CDC42BPB: variants seen among roughly 807,000 people sequenced by gnomAD.
CDC42BPB encodes the protein CDC42 binding protein kinase beta, also known as serine/threonine-protein kinase MRCK beta.
CDC42BPB carries 37 observed loss-of-function variants against 214.9 expected under a neutral mutation model. That is an observed-to-expected ratio of 0.17 (90% confidence interval 0.13 to 0.23). CDC42BPB has a LOEUF of 0.23. Ranked by LOEUF, CDC42BPB falls within the 10% of genes least tolerant of loss-of-function variation. The pLI is 1.00. For missense variants in CDC42BPB, 1,694 were observed against 2,227.0 expected (o/e 0.76, Z 4.82); for synonymous variants, 931 against 884.0 (o/e 1.05, Z -0.94).
intron 1 of CDC42BPB, among the ~76,000 whole-genome samples, chr14:103,042,777 AAAC>A (rs755166762): frequency 8.5e-5 from 13 of 152,202 alleles, no homozygotes; most frequent in Non-Finnish European, 1.6e-4. Context: ...CTAGGACAGA[AAAC>A]AACAAGTGCT....
chr14:102,964,696 C>T (rs913771361), intron 18 of CDC42BPB, 46 bp from the exon 19 acceptor site: 4 of 1,549,598 alleles, frequency 2.6e-6, no homozygotes, highest in Non-Finnish European at 3.5e-6. Context: ...CAGTTATCCG[C>T]TTGTTAAACT....
intron 27 of CDC42BPB, 124 bp downstream of exon 27, chr14:102,947,597 C>A: frequency 1.2e-6 from 1 of 829,274 alleles, no homozygotes; most frequent in South Asian, 1.5e-5. Flanking sequence ...TGGAGCCAGG[C>A]TGGAGGTTGA....
At chr14:102,974,683 C>T (rs977390492) in intron 11 of CDC42BPB, among the ~76,000 whole-genome samples, 6 of 152,212 alleles carry the variant, frequency 3.9e-5, no homozygotes, top group African/African-American at 1.4e-4. Context: ...CCAGGCCAGG[C>T]GCAGCGGCTC....
Position 103,048,532 on chromosome 14 carries a change from C to CAAAAAAAAA in CDC42BPB, c.175+8458_175+8466dup, listed in dbSNP as rs71119751. ...TGAAACCCTGTTTCTACTAAAAATA[C>CAAAAAAAAA]AAAAAAAAAAAAAAAAAAAAAAAAA... On this transcript the variant is annotated intron_variant, in intron 1 of 36. Transcript: ENST00000361246. Among the ~76,000 whole-genome samples, 356 of 42,568 alleles carry CAAAAAAAAA rather than the reference C, an allele frequency of 8.4e-3. 5 individuals are homozygous for CAAAAAAAAA. The highest frequency in any genetic ancestry group is 0.062 in the Middle Eastern group (3 of 48). The allele number at this position is 42,568 out of a possible 152,430, so 27.9% of individuals were successfully genotyped here.
At chr14:102,996,318 T>C (rs1250665744) in intron 5 of CDC42BPB, among the ~76,000 whole-genome samples, 3 of 151,866 alleles carry the variant, frequency 2.0e-5, no homozygotes, top group African/African-American at 7.3e-5. Flanking sequence ...CCAGCCTGGG[T>C]GACAGAGCAA....
rs1035693021 is a variant in CDC42BPB at position 102,945,123 on chromosome 14, G to A, written c.3811+539C>T. 9 of 396,748 alleles carry A rather than the reference G, an allele frequency of 2.3e-5. No homozygotes were observed. In the East Asian group the frequency reaches 3.8e-4, roughly 17 times the overall value. The allele number at this position is 396,748 out of a possible 1,614,324, so 24.6% of individuals were successfully genotyped here. ...GGCTGCCCCGCCCTTCTCGCTCCAC[G>A]GCCATCACATGCAGAGATGCTGGGT... is the stretch of plus-strand genomic sequence containing the variant. On this transcript the variant is annotated intron_variant, in intron 29 of 36. Coordinates refer to ENST00000361246, the MANE Select transcript of CDC42BPB (RefSeq NM_006035.4).
At chr14:103,002,062 C>T (rs1212963545) in intron 4 of CDC42BPB, among the ~76,000 whole-genome samples, 1 of 152,200 alleles carries the variant, frequency 6.6e-6, no homozygotes, top group Non-Finnish European at 1.5e-5. Context: ...TGATAAAACT[C>T]TGTGAGATAG....
intron 1 of CDC42BPB, among the ~76,000 whole-genome samples, chr14:103,017,181 G>C (rs1384714609): frequency 6.6e-6 from 1 of 152,066 alleles, no homozygotes; most frequent in Non-Finnish European, 1.5e-5. Flanking sequence ...CATGAACCAG[G>C]GTGTAGCGGC....
At chr14:102,984,055 C>T in intron 6 of CDC42BPB, 1 of 170,990 alleles carries the variant, frequency 5.8e-6, no homozygotes, top group Non-Finnish European at 1.2e-5. Flanking sequence ...TTAAAAACCT[C>T]AATAATGCAA....
intron 4 of CDC42BPB, among the ~76,000 whole-genome samples, chr14:103,000,624 A>G (rs1344286775): frequency 6.6e-6 from 1 of 152,232 alleles, no homozygotes. Flanking sequence ...TCCTGTGAAG[A>G]GATGGATGCT....
intron 34 of CDC42BPB, among the ~76,000 whole-genome samples, chr14:102,938,919 A>G (rs1009293200): frequency 6.9e-6 from 1 of 144,988 alleles, no homozygotes; most frequent in Non-Finnish European, 1.5e-5. Flanking sequence ...ATGAGCCACC[A>G]CACCCAGCCT....
intron 1 of CDC42BPB, among the ~76,000 whole-genome samples, chr14:103,048,916 G>T (rs1389509885): frequency 1.3e-5 from 2 of 151,704 alleles, no homozygotes; most frequent in African/African-American, 2.4e-5. Flanking sequence ...TATAAGAAAA[G>T]AAAATAAAGA....
chr14:102,945,783 T>C lies in CDC42BPB; in HGVS notation c.3749-59A>G, dbSNP rs150351741. 2,215 of 1,458,790 alleles carry C rather than the reference T, an allele frequency of 1.5e-3. 4 individuals carry two copies. Among genetic ancestry groups the C allele is most frequent in the Non-Finnish European group, 1.8e-3 (1,923 of 1,040,300 alleles). The allele number at this position is 1,458,790 out of a possible 1,614,324, so 90.4% of individuals were successfully genotyped here. A position where few individuals can be genotyped will look rare whatever the true frequency, so the allele number is the denominator to read the frequency against. ...TACAGCCGACCGTGAACAATATGGG[T>C]TTGAATGCGTGGGTGGGCTCATTCA... is the stretch of plus-strand genomic sequence containing the variant. On this transcript the variant is annotated intron_variant, in intron 28 of 36. Coordinates refer to ENST00000361246, the MANE Select transcript of CDC42BPB (RefSeq NM_006035.4).
rs1402233925 is a variant in CDC42BPB at position 102,940,228 on chromosome 14, C to T, written c.4505G>A (p.Arg1502Lys). The T allele has an allele frequency of 6.2e-7, 1 of 1,603,296 alleles. No individual in the cohort carries two copies. The highest frequency in any genetic ancestry group is 8.5e-7 in the Non-Finnish European group (1 of 1,175,328). The change falls in exon 31 of 37, where the codon AGG becomes AAG. Residue 1502 changes from arginine (R) to lysine (K), a missense_variant and splice_region_variant. Around this residue, in one of 7 missense-constraint regions of CDC42BPB, gnomAD observed 567 missense variants for 790.3 expected, o/e 0.72. Coordinates refer to ENST00000361246, the MANE Select transcript of CDC42BPB (RefSeq NM_006035.4). ...MEWVQTIGLR[R>K]IRPLNSEGTL... The stretch of plus-strand genomic sequence containing the variant: ...AGGAGGGCACCGAGGCCGCCTTACC[C>T]TCCGCAGGCCGATGGTCTGCACCCA...
chr14:103,035,576 C>T (rs1016358564), intron 1 of CDC42BPB, among the ~76,000 whole-genome samples: 21 of 151,744 alleles, frequency 1.4e-4, no homozygotes, highest in African/African-American at 5.1e-4. Context: ...TGCGGTGGCT[C>T]ATGCCGGTAA....
In CDC42BPB at chr14:103,001,483, G is replaced by A. The variant is rs1256695510; in HGVS notation, c.448-1770C>T. Among the ~76,000 whole-genome samples the A allele has an allele frequency of 3.3e-5, 5 of 152,170 alleles. No individual in the cohort carries two copies. Among genetic ancestry groups the A allele is most frequent in the Non-Finnish European group, 5.9e-5 (4 of 68,028 alleles). ...GGTCGTGCTCCAGATGAAGGGGTGCGTGCAAAGCGGCTAGGAGGAAAGTGG... is the reference window on the plus strand; with the variant it reads ...GGTCGTGCTCCAGATGAAGGGGTGCATGCAAAGCGGCTAGGAGGAAAGTGG... On this transcript the variant is annotated intron_variant, in intron 4 of 36. Coordinates refer to ENST00000361246, the MANE Select transcript of CDC42BPB (RefSeq NM_006035.4). This position sits in a 1 kb window ranked among gnomAD's most constrained non-coding sequence, Gnocchi z 5.8.
chr14:103,012,234 T>C (rs758793926), intron 1 of CDC42BPB, 46 bp from the exon 2 acceptor site: 9 of 1,532,694 alleles, frequency 5.9e-6, no homozygotes, highest in South Asian at 1.2e-5. Flanking sequence ...AATCAGTTCA[T>C]ACTATATAAA....
chr14:102,962,143 C>T (rs1892990903), intron 20 of CDC42BPB, among the ~76,000 whole-genome samples: 1 of 152,200 alleles, frequency 6.6e-6, no homozygotes, highest in African/African-American at 2.4e-5. Flanking sequence ...CGGCAAAAAT[C>T]CAAAAGTCTG....
In CDC42BPB at chr14:102,932,901, C is replaced by CGGGGT. The variant is rs146914181; in HGVS notation, c.*806_*810dup. 3 of 18,326 alleles carry CGGGGT rather than the reference C, an allele frequency of 1.6e-4. No homozygotes were observed. The highest frequency in any genetic ancestry group is 3.4e-3 in the South Asian group (1 of 292). The allele number at this position is 18,326 out of a possible 1,614,324, so 1.1% of individuals were successfully genotyped here. ...GGGGGGGGGGGCGGGCAGGGCGGGG[C>CGGGGT]GGGGTGGGGTATCCCAGTGGCTGCT... is the stretch of plus-strand genomic sequence containing the variant. On this transcript the variant is annotated 3_prime_UTR_variant, in exon 37 of 37. Transcript: ENST00000361246.
Sources: gnomAD v4.1 joint callset for allele counts (sites outside exome capture counted in the v4.1 genomes callset) on GRCh38, gnomAD v4.1.1 for gene constraint, gnomAD v4.1.1 regional missense constraint, Gnocchi (gnomAD v3.1) non-coding constraint, MANE v1.5 for transcripts, NCBI Gene and HGNC (gene_info 2026-07-23, HGNC 2026-07-21) for gene names.